NSD1: variants seen among roughly 807,000 people sequenced by gnomAD.
The protein encoded by NSD1 is histone-lysine N-methyltransferase, H3 lysine-36 specific.
Under a neutral mutation model 242.7 loss-of-function variants are expected in NSD1, and 26 were observed. That is an observed-to-expected ratio of 0.11 (90% CI 0.08 to 0.15). NSD1 has a LOEUF of 0.15. Ranked by LOEUF, NSD1 falls within the 10% of genes least tolerant of loss-of-function variation. The pLI, the probability that NSD1 is intolerant of heterozygous loss-of-function variation, is 1.00. For synonymous variants in NSD1, 1,106 were observed against 1,178.1 expected, an observed-to-expected ratio of 0.94 and a Z score of 1.25; for missense variants, 2,495 against 3,272.8, an observed-to-expected ratio of 0.76 and a Z score of 5.80.
chr5:177,186,018 A>G (rs1459342997), intron 2 of NSD1, among the ~76,000 whole-genome samples: 5 of 99,986 alleles, frequency 5.0e-5, no homozygotes, highest in Non-Finnish European at 9.1e-5. Flanking sequence ...ATTATATATT[A>G]TATATTATAT....
In NSD1 at chr5:177,211,790, A is replaced by G; in HGVS notation, c.3391A>G (p.Asn1131Asp). The change falls in exon 5 of 23, where the codon AAC becomes GAC. Residue 1131 changes from asparagine (N) to aspartate (D), a missense_variant. By Grantham distance (23) the Asn-to-Asp change is conservative (BLOSUM62 1). Around this residue, in one of 19 missense-constraint regions of NSD1, gnomAD observed 426 missense variants for 411.4 expected, o/e 1.04. Transcript: ENST00000439151. ...TTCTGAAAAAGGACTCTCTTTTGAA[A>G]ACGGAAAAGGCCCAGAGCTGGACTC... is the stretch of plus-strand genomic sequence containing the variant. ...KISEKGLSFENGKGPELDSVM... is the reference protein window; with the variant it reads ...KISEKGLSFEDGKGPELDSVM... The G allele has an allele frequency of 6.2e-7, 1 of 1,614,170 alleles. No homozygotes were observed. Among genetic ancestry groups the G allele is most frequent in the Non-Finnish European group, 8.5e-7 (1 of 1,180,024 alleles).
intron 5 of NSD1, among the ~76,000 whole-genome samples, chr5:177,223,931 A>C (rs1190092693): frequency 6.6e-6 from 1 of 152,250 alleles, no homozygotes; most frequent in African/African-American, 2.4e-5. Flanking sequence ...GGTTACAATG[A>C]GCTGAGATCA....
chr5:177,275,728 C>T (rs755684881), intron 17 of NSD1, among the ~76,000 whole-genome samples: 4 of 151,750 alleles, frequency 2.6e-5, no homozygotes, highest in Middle Eastern at 3.2e-3. Context: ...CCACTGCGCC[C>T]GGCCTCCCTT....
At chr5:177,161,680 C>CTTTTTTTTTTTTTTTTT (rs57657595) in intron 2 of NSD1, among the ~76,000 whole-genome samples, 1 of 135,246 alleles carries the variant, frequency 7.4e-6, no homozygotes, top group Non-Finnish European at 1.6e-5. Flanking sequence ...TTCTTTCTTT[C>CTTTTTTTTTTTTTTTTT]TTTTTTTTTT....
rs1356178543 is a variant in NSD1, at chr5:177,210,284, G to A, written c.1885G>A (p.Glu629Lys). 6.2e-7 allele frequency: 1 copy of A among 1,609,570 alleles called. No individual in the cohort carries two copies. Among genetic ancestry groups the A allele is most frequent in the Non-Finnish European group, 8.5e-7 (1 of 1,177,486 alleles). The change falls in exon 5 of 23, where the codon GAG becomes AAG. Residue 629 changes from glutamate to lysine, a missense_variant. Around this residue, in one of 19 missense-constraint regions of NSD1, gnomAD observed 515 missense variants for 467.0 expected, o/e 1.10. Coordinates refer to ENST00000439151, the MANE Select transcript of NSD1 (RefSeq NM_022455.5). ...VKLCYIGAGDEEKRSDSISIC... is the reference protein window; with the variant it reads ...VKLCYIGAGDKEKRSDSISIC... ...GCTCTGCTATATTGGAGCAGGTGAT[G>A]AGGAAAAGCGAAGTGATTCCATTAG...
intron 2 of NSD1, among the ~76,000 whole-genome samples, chr5:177,146,554 G>A (rs1358793876): frequency 6.6e-6 from 1 of 152,054 alleles, no homozygotes; most frequent in African/African-American, 2.4e-5. Context: ...TTATTCAGAT[G>A]TCCTTAAATT....
intron 2 of NSD1, among the ~76,000 whole-genome samples, chr5:177,170,624 A>G (rs975868581): frequency 6.6e-5 from 10 of 152,206 alleles, no homozygotes; most frequent in African/African-American, 2.2e-4. Context: ...AAGTGCTAGG[A>G]TTACAGGCGT....
At chr5:177,248,124 G>C in intron 10 of NSD1, 57 bp from the exon 11 acceptor site, 1 of 1,606,158 alleles carries the variant, frequency 6.2e-7, no homozygotes, top group Non-Finnish European at 8.5e-7. Flanking sequence ...GAGGGAGGGG[G>C]TCAAATGGAA....
intron 6 of NSD1, among the ~76,000 whole-genome samples, chr5:177,237,799 C>G (rs1043564747): frequency 4.6e-5 from 7 of 152,092 alleles, no homozygotes; most frequent in African/African-American, 1.7e-4. Flanking sequence ...TCCCAAAGTT[C>G]TGGAATTACA....
chr5:177,245,358 C>T (rs1429979961), intron 9 of NSD1, among the ~76,000 whole-genome samples: 2 of 152,200 alleles, frequency 1.3e-5, no homozygotes, highest in Non-Finnish European at 2.9e-5. Context: ...TGTTCCAGCT[C>T]ATGAGAATTT....
In NSD1 at chr5:177,269,912, C is replaced by A; in HGVS notation, c.5509+105C>A. ...TGCTCCATTTTGAAACTGCCTTTGT[C>A]CTCTCAGGGCATTATCTGGCTGCAA... On this transcript the variant is annotated intron_variant, in intron 16 of 22. Coordinates refer to ENST00000439151, the MANE Select transcript of NSD1 (RefSeq NM_022455.5). This position sits in a 1 kb window ranked among gnomAD's most constrained non-coding sequence, Gnocchi z 5.1. 1 of 934,338 alleles carries A rather than the reference C, an allele frequency of 1.1e-6. No individual in the cohort carries two copies. The highest frequency in any genetic ancestry group is 1.6e-6 in the Non-Finnish European group (1 of 618,258). The allele number at this position is 934,338 out of a possible 1,614,324, so 57.9% of individuals were successfully genotyped here.
At position 177,210,282 on chromosome 5, in the gene NSD1, A is replaced by G. The variant is rs755034594; in HGVS notation, c.1883A>G (p.Asp628Gly). ...KVKLCYIGAG[D>G]EEKRSDSISI... ...AAGCTCTGCTATATTGGAGCAGGTG[A>G]TGAGGAAAAGCGAAGTGATTCCATT... Residue 628 changes from aspartate to glycine, a missense_variant, in exon 5 of 23, where the codon GAT becomes GGT. Physicochemically the swap from Asp to Gly is moderately conservative, Grantham distance 94. Coordinates refer to ENST00000439151, the MANE Select transcript of NSD1 (RefSeq NM_022455.5). 4 of 1,609,316 alleles carry G rather than the reference A, an allele frequency of 2.5e-6. No individual in the cohort carries two copies. Among genetic ancestry groups the G allele is most frequent in the African/African-American group, 2.7e-5 (2 of 74,686 alleles).
At chr5:177,198,770 T>A (rs1007528221) in intron 3 of NSD1, among the ~76,000 whole-genome samples, 1 of 152,202 alleles carries the variant, frequency 6.6e-6, no homozygotes, top group East Asian at 1.9e-4. Flanking sequence ...TGAATTCATA[T>A]CCTTAGTGAT....
chr5:177,141,167 G>A (rs955044770), intron 2 of NSD1, among the ~76,000 whole-genome samples: 4 of 151,640 alleles, frequency 2.6e-5, no homozygotes, highest in Admixed American at 2.6e-4. Flanking sequence ...GATTACAGGC[G>A]CCCGCCACCG....
intron 2 of NSD1, among the ~76,000 whole-genome samples, chr5:177,158,922 T>TTGTGTGTG (rs560922028): frequency 6.0e-5 from 8 of 132,378 alleles, no homozygotes; most frequent in African/African-American, 2.5e-4. Context: ...TATATATAGT[T>TTGTGTGTG]TGTGTGTGTG....
intron 2 of NSD1, among the ~76,000 whole-genome samples, chr5:177,177,969 A>T (rs947188135): frequency 6.6e-6 from 1 of 152,154 alleles, no homozygotes; most frequent in East Asian, 1.9e-4. Context: ...GTTTTGGCTC[A>T]CTGCAACCTC....
rs1468729996 is a variant in NSD1 at position 177,150,791 on chromosome 5, T to C, written c.927+14761T>C. Among the ~76,000 whole-genome samples, 10 of 152,322 alleles carry C rather than the reference T, an allele frequency of 6.6e-5. No homozygotes were observed. In the East Asian group the frequency reaches 1.9e-3, roughly 29 times the overall value. On this transcript the variant is annotated intron_variant, in intron 2 of 22. Transcript: ENST00000439151. ...GCTATATTTCCTGTGTTATCTCTGA[T>C]TTCTCTTGATGCTGTAATTGGAGTT...
intron 20 of NSD1, among the ~76,000 whole-genome samples, chr5:177,285,563 CAAAAA>C (rs772293606): frequency 1.7e-4 from 14 of 81,912 alleles, no homozygotes; most frequent in African/African-American, 5.9e-4. Context: ...GATTCCATCT[CAAAAA>C]AAAAAAAAAA....
chr5:177,173,465 G>GC (rs1214457903), intron 2 of NSD1, among the ~76,000 whole-genome samples: 3 of 130,568 alleles, frequency 2.3e-5, no homozygotes, highest in Admixed American at 7.4e-5. Context: ...TTACTATCTG[G>GC]CTTTTTTTTT....
Sources: allele counts gnomAD v4.1 joint callset (sites outside exome capture counted in the v4.1 genomes callset), GRCh38; gene constraint gnomAD v4.1.1; regional missense constraint gnomAD v4.1.1; non-coding constraint Gnocchi (gnomAD v3.1); transcripts MANE v1.5; gene names NCBI Gene and HGNC (gene_info 2026-07-23, HGNC 2026-07-21).